The following KMT2B variants were observed in gnomAD, a reference collection of about 807,000 sequenced individuals.
The protein encoded by KMT2B is lysine methyltransferase 2B.
Under a neutral mutation model 255.3 loss-of-function variants are expected in KMT2B, and 22 were observed. The ratio of observed to expected loss-of-function variants is 0.09; its 90% CI spans 0.06 to 0.12. KMT2B has a LOEUF of 0.12. Ranked by LOEUF, KMT2B falls within the 10% of genes least tolerant of loss-of-function variation. The probability of loss-of-function intolerance (pLI) is 1.00; values close to 1 mark genes in which losing one functional copy is unlikely to be tolerated. For synonymous variants in KMT2B, 1,730 were observed against 1,498.1 expected (o/e 1.15, Z -3.57); for missense variants, 3,149 against 3,737.0 (o/e 0.84, Z 4.10).
At position 35,718,033 on chromosome 19, in the gene KMT2B, G is replaced by A. The variant is rs1490981631; in HGVS notation, c.15G>A (p.Ala5=). The A allele has an allele frequency of 6.1e-6, 6 of 985,258 alleles. No homozygotes were observed. The highest frequency in any genetic ancestry group is 7.2e-6 in the Non-Finnish European group (6 of 831,002). The allele number at this position is 985,258 out of a possible 1,614,324, so 61.0% of individuals were successfully genotyped here. A position where few individuals can be genotyped will look rare whatever the true frequency, so the allele number is the denominator to read the frequency against. Residue 5 remains alanine, a synonymous_variant, in exon 1 of 37, where the codon GCG becomes GCA. Coordinates refer to ENST00000420124, the MANE Select transcript of KMT2B (RefSeq NM_014727.3). The surrounding 1 kb of genome is among the most constrained non-coding windows in gnomAD (Gnocchi z 5.0). ...ACGGTGCCAAGATGGCGGCGGCGGC[G>A]GGCGGCGGCAGTTGCCCCGGGCCTG... MAAA[A]GGGSCPGPGS...
At position 35,725,466 on chromosome 19, in the gene KMT2B, A is replaced by T. The variant is rs200459861; in HGVS notation, c.3643-13A>T. 1.5e-3 allele frequency: 2,349 copies of T among 1,609,354 alleles called. 3 individuals carry two copies. The highest frequency in any genetic ancestry group is 1.7e-3 in the Non-Finnish European group (2,006 of 1,179,794). On this transcript the variant is annotated splice_polypyrimidine_tract_variant and intron_variant, in intron 11 of 36. Transcript: ENST00000420124. This position sits in a 1 kb window ranked among gnomAD's most constrained non-coding sequence, Gnocchi z 4.1. Reference sequence around the variant, plus strand: ...TGCTATGCCCATCATTCACTCCTTTACCCTGTCCCCAGCTGGTGTTCTGTC... The same window carrying T: ...TGCTATGCCCATCATTCACTCCTTTTCCCTGTCCCCAGCTGGTGTTCTGTC...
chr19:35,726,427 C>T (rs1969448424), intron 14 of KMT2B, 74 bp downstream of exon 14: 1 of 985,394 alleles, frequency 1.0e-6, no homozygotes, highest in African/African-American at 1.6e-5. Context: ...GGCTTTAGCA[C>T]AGACCCTCTT....
intron 30 of KMT2B, among the ~76,000 whole-genome samples, chr19:35,734,075 G>A (rs935056482): frequency 3.3e-5 from 5 of 152,156 alleles, no homozygotes; most frequent in Non-Finnish European, 7.3e-5. Flanking sequence ...TCGCCTCTAC[G>A]TGGGATCCTT....
intron 3 of KMT2B, among the ~76,000 whole-genome samples, 165 bp downstream of exon 3, chr19:35,721,969 C>T (rs1010354995): frequency 2.6e-5 from 4 of 151,954 alleles, no homozygotes; most frequent in African/African-American, 9.7e-5. Flanking sequence ...CCAGACCTGG[C>T]CCTTCTCTGT....
Position 35,720,174 on chromosome 19 carries a change from C to G in KMT2B, c.827C>G (p.Pro276Arg). ...WKCKEGPGPGPGTPRRGGQSS... is the reference protein window; with the variant it reads ...WKCKEGPGPGRGTPRRGGQSS... Reference sequence around the variant, plus strand: ...TGCAAGGAGGGGCCCGGTCCAGGACCTGGGACCCCCAGGCGTGGAGGACAG... The same window carrying G: ...TGCAAGGAGGGGCCCGGTCCAGGACGTGGGACCCCCAGGCGTGGAGGACAG... Residue 276 changes from proline to arginine, a missense_variant, in exon 3 of 37, where the codon CCT becomes CGT. By Grantham distance (103) the Pro-to-Arg change is moderately radical (BLOSUM62 -2). Transcript: ENST00000420124. 2.5e-6 allele frequency: 4 copies of G among 1,605,234 alleles called. No individual in the cohort carries two copies.
Position 35,718,928 on chromosome 19 carries a change from T to C in KMT2B, c.364-541T>C, listed in dbSNP as rs1969069947. Among the ~76,000 whole-genome samples, 1 of 152,122 alleles carries C rather than the reference T, an allele frequency of 6.6e-6. No individual in the cohort carries two copies. Among genetic ancestry groups the C allele is most frequent in the Non-Finnish European group, 1.5e-5 (1 of 68,000 alleles). On this transcript the variant is annotated intron_variant, in intron 1 of 36. Transcript: ENST00000420124. This position sits in a 1 kb window ranked among gnomAD's most constrained non-coding sequence, Gnocchi z 5.0. Reference sequence around the variant, plus strand: ...GCACTCTAGCAGGTCAGAGCTCAGCTCAGGATTTCTCCCCCAGCCTTTCAG... The same window carrying C: ...GCACTCTAGCAGGTCAGAGCTCAGCCCAGGATTTCTCCCCCAGCCTTTCAG...
At chr19:35,722,508 C>A in intron 4 of KMT2B, 36 bp downstream of exon 4, 1 of 1,598,918 alleles carries the variant, frequency 6.3e-7, no homozygotes, top group Non-Finnish European at 8.5e-7. Flanking sequence ...AGAAGACTGG[C>A]GGGAGGAGTG....
In KMT2B at chr19:35,728,816, T is replaced by C. The variant is rs572596532; in HGVS notation, c.4614T>C (p.His1538=). 31 of 1,613,910 alleles carry C rather than the reference T, an allele frequency of 1.9e-5. No homozygotes were observed. The highest frequency in any genetic ancestry group is 8.8e-5 in the South Asian group (8 of 91,088). Residue 1538 remains histidine (H), a synonymous_variant, in exon 20 of 37, where the codon CAT becomes CAC. Coordinates refer to ENST00000420124, the MANE Select transcript of KMT2B (RefSeq NM_014727.3). ...CGGTGTTGCCCCCATCCCTGGATCA[T>C]GTCTATGCGCAGTGGAGACAGCAGG... ...PNAVLPPSLD[H]VYAQWRQQEP...
At position 35,727,998 on chromosome 19, in the gene KMT2B, G is replaced by T. The variant is rs755450454; in HGVS notation, c.4497+13G>T. 2.6e-6 allele frequency: 4 copies of T among 1,552,380 alleles called. No homozygotes were observed. Among genetic ancestry groups the T allele is most frequent in the Non-Finnish European group, 3.5e-6 (4 of 1,146,054 alleles). On this transcript the variant is annotated intron_variant, in intron 18 of 36. Transcript: ENST00000420124. The surrounding 1 kb of genome is among the most constrained non-coding windows in gnomAD (Gnocchi z 4.2). ...GCTCCTGCTGAAGGTGAGCTCTTCC[G>T]GGGATGCTTGTGGGGTGGGGGAGTG...
Position 35,718,369 on chromosome 19 carries a change from A to G in KMT2B, c.351A>G (p.Glu117=), listed in dbSNP as rs752002996. ...CGGAGGAGGAGAGCAGTGACGGGGAATCCGACGAGGAGGTGAGGCGGTTGG... is the reference window on the plus strand; with the variant it reads ...CGGAGGAGGAGAGCAGTGACGGGGAGTCCGACGAGGAGGTGAGGCGGTTGG... ...CVPEEESSDG[E]SDEEEFQGFH... Residue 117 remains glutamate (E), a synonymous_variant, in exon 1 of 37, where the codon GAA becomes GAG. Transcript: ENST00000420124. The surrounding 1 kb of genome is among the most constrained non-coding windows in gnomAD (Gnocchi z 5.0). 1.1e-5 allele frequency: 14 copies of G among 1,264,820 alleles called. 1 individual carries two copies. The South Asian group carries it at 4.5e-4, about 41-fold the overall frequency. The allele number at this position is 1,264,820 out of a possible 1,614,324, so 78.3% of individuals were successfully genotyped here. A position where few individuals can be genotyped will look rare whatever the true frequency, so the allele number is the denominator to read the frequency against.
Position 35,732,622 on chromosome 19 carries a change from G to A in KMT2B, c.6073G>A (p.Glu2025Lys), listed in dbSNP as rs368364777. Residue 2025 changes from glutamate (E) to lysine (K), a missense_variant, in exon 28 of 37, where the codon GAG becomes AAG. By Grantham distance (56) the Glu-to-Lys change is moderately conservative (BLOSUM62 1). This residue lies in a region of KMT2B where 897 missense variants were observed against 825.3 expected (regional missense o/e 1.09). Transcript: ENST00000420124. ...CCACGGGGGCCCGGGGGACAGCTCC[G>A]AGGAGGAGTCCAGCCCCACCTCCCG... is the stretch of plus-strand genomic sequence containing the variant. ...SSHGGPGDSS[E>K]EESSPTSRYI... 5.6e-6 allele frequency: 9 copies of A among 1,611,892 alleles called. No individual in the cohort carries two copies. The highest frequency in any genetic ancestry group is 2.2e-5 in the East Asian group (1 of 44,810).
At position 35,725,237 on chromosome 19, in the gene KMT2B, G is replaced by A; in HGVS notation, c.3546G>A (p.Glu1182=). Residue 1182 remains glutamate (E), a synonymous_variant, in exon 11 of 37, where the codon GAG becomes GAA. Transcript: ENST00000420124. This position sits in a 1 kb window ranked among gnomAD's most constrained non-coding sequence, Gnocchi z 4.1. Reference sequence around the variant, plus strand: ...TCCCCCAGGAGGATTGTGATTTAGAGAACGTGTGGCTGATGGGGGGCCTGA... The same window carrying A: ...TCCCCCAGGAGGATTGTGATTTAGAAAACGTGTGGCTGATGGGGGGCCTGA... ...RVDFKEDCDL[E]NVWLMGGLSV... is the part of the protein sequence containing the mutation. The A allele has an allele frequency of 6.2e-7, 1 of 1,612,070 alleles. No individual in the cohort carries two copies. Among genetic ancestry groups the A allele is most frequent in the East Asian group, 2.2e-5 (1 of 44,854 alleles).
Position 35,723,969 on chromosome 19 carries a change from GC to G in KMT2B, c.3302del (p.Pro1101LeufsTer81). Reference protein sequence around the residue: ...FEDSDDSEPGGPPAPRRRTPR... With the variant: ...FEDSDDSEPGXPPAPRRRTPR... The stretch of plus-strand genomic sequence containing the variant: ...GATTCGGATGACTCGGAGCCCGGGG[GC>G]CCCCCTGCTCCTCGGCGTCGGACCC... On this transcript the variant is annotated frameshift_variant, in exon 8 of 37. Coordinates refer to ENST00000420124, the MANE Select transcript of KMT2B (RefSeq NM_014727.3). LOFTEE classifies it high-confidence loss of function. This position sits in a 1 kb window ranked among gnomAD's most constrained non-coding sequence, Gnocchi z 7.5. 6.8e-6 allele frequency: 11 copies of G among 1,608,114 alleles called. No homozygotes were observed. The highest frequency in any genetic ancestry group is 1.7e-5 in the Admixed American group (1 of 59,236).
rs557225127 is a variant in KMT2B at position 35,723,837 on chromosome 19, G to A, written c.3164G>A (p.Arg1055Gln). The A allele has an allele frequency of 9.4e-6, 15 of 1,599,824 alleles. No individual in the cohort carries two copies. Among genetic ancestry groups the A allele is most frequent in the South Asian group, 8.9e-5 (8 of 89,780 alleles). The change falls in exon 8 of 37, where the codon CGG (arginine) becomes CAG (glutamine). Residue 1055 changes from arginine to glutamine, a missense_variant. Around this residue, in one of 18 missense-constraint regions of KMT2B, gnomAD observed 50 missense variants for 71.9 expected, o/e 0.70. Transcript: ENST00000420124. The surrounding 1 kb of genome is among the most constrained non-coding windows in gnomAD (Gnocchi z 7.5). ...PRRGAGAGGP[R>Q]EEVVAHPGPE... ...CGGGGGGCGGGAGCTGGGGGGCCCC[G>A]GGAGGAGGTGGTGGCCCACCCAGGG...
In KMT2B at chr19:35,738,574, C is replaced by CA; in HGVS notation, c.*18dup. The CA allele has an allele frequency of 6.2e-7, 1 of 1,606,082 alleles. No individual in the cohort carries two copies. Among genetic ancestry groups the CA allele is most frequent in the Non-Finnish European group, 8.5e-7 (1 of 1,174,656 alleles). Reference sequence around the variant, plus strand: ...CTTAACTGAGGCCGTGGCTGCCCACCACGACCCCTCACACCTCCTGCTGCC... The same window carrying CA: ...CTTAACTGAGGCCGTGGCTGCCCACCAACGACCCCTCACACCTCCTGCTGCC... On this transcript the variant is annotated 3_prime_UTR_variant, in exon 37 of 37. Coordinates refer to ENST00000420124, the MANE Select transcript of KMT2B (RefSeq NM_014727.3). This position sits in a 1 kb window ranked among gnomAD's most constrained non-coding sequence, Gnocchi z 8.7.
rs1179494191 is a variant in KMT2B, at chr19:35,727,291, G to C, written c.4117+22G>C. 2 of 1,600,546 alleles carry C rather than the reference G, an allele frequency of 1.2e-6. No individual in the cohort carries two copies. The highest frequency in any genetic ancestry group is 1.7e-6 in the Non-Finnish European group (2 of 1,168,294). ...TCAGGTGAGTCAGTGGAGCACCTGG[G>C]CTGCAGCCTCAACCCTGTGGGGACC... On this transcript the variant is annotated intron_variant, in intron 15 of 36. Coordinates refer to ENST00000420124, the MANE Select transcript of KMT2B (RefSeq NM_014727.3). This position sits in a 1 kb window ranked among gnomAD's most constrained non-coding sequence, Gnocchi z 4.2.
At position 35,737,784 on chromosome 19, in the gene KMT2B, G is replaced by A; in HGVS notation, c.7658+41G>A. On this transcript the variant is annotated intron_variant, in intron 34 of 36. Transcript: ENST00000420124. The surrounding 1 kb of genome is among the most constrained non-coding windows in gnomAD (Gnocchi z 5.3). ...TGGGGGGCGGGTGGTGGTCTGGAAGGGTCTTAGAGAGTGAGCAGGGGTGAG... is the reference window on the plus strand; with the variant it reads ...TGGGGGGCGGGTGGTGGTCTGGAAGAGTCTTAGAGAGTGAGCAGGGGTGAG... 1.3e-6 allele frequency: 2 copies of A among 1,548,700 alleles called. No individual in the cohort carries two copies. The highest frequency in any genetic ancestry group is 1.7e-6 in the Non-Finnish European group (2 of 1,143,170).
chr19:35,722,323 A>T (rs747413333), intron 3 of KMT2B, 36 bp from the exon 4 acceptor site: 2 of 1,557,812 alleles, frequency 1.3e-6, no homozygotes, highest in East Asian at 4.7e-5. Flanking sequence ...ATCTTTCCTC[A>T]CTGTCCAGCC....
rs1181340879 is a variant in KMT2B, at chr19:35,737,204, G to A, written c.7491G>A (p.Glu2497=). The A allele has an allele frequency of 2.5e-6, 4 of 1,592,368 alleles. No homozygotes were observed. Among genetic ancestry groups the A allele is most frequent in the South Asian group, 1.1e-5 (1 of 88,054 alleles). ...HYKFRYHQQG[E]GQEEPPLNPH... is the part of the protein sequence containing the mutation. ...AGTTCCGTTACCACCAGCAGGGAGAGGGCCAGGAGGAGCCGCCCCTGAATC... is the reference window on the plus strand; with the variant it reads ...AGTTCCGTTACCACCAGCAGGGAGAAGGCCAGGAGGAGCCGCCCCTGAATC... Residue 2497 remains glutamate, a synonymous_variant, in exon 33 of 37, where the codon GAG becomes GAA. Transcript: ENST00000420124. This position sits in a 1 kb window ranked among gnomAD's most constrained non-coding sequence, Gnocchi z 5.3.
Sources: gnomAD v4.1 joint callset for allele counts (sites outside exome capture counted in the v4.1 genomes callset) on GRCh38, gnomAD v4.1.1 for gene constraint, gnomAD v4.1.1 regional missense constraint, Gnocchi (gnomAD v3.1) non-coding constraint, MANE v1.5 for transcripts, NCBI Gene and HGNC (gene_info 2026-07-23, HGNC 2026-07-21) for gene names.